Variants in HMG20A observed in about 807,000 individuals in gnomAD.
HMG20A encodes the protein high mobility group protein 20A.
HMG20A carries 17 observed loss-of-function variants against 43.9 expected under a neutral mutation model. The ratio of observed to expected loss-of-function variants is 0.39; its 90% CI spans 0.27 to 0.58. HMG20A has a LOEUF of 0.58. Among genes scored for constraint, HMG20A ranks in the 20% least tolerant of loss-of-function variants. The pLI is 0.59. For missense variants in HMG20A, 341 were observed against 438.2 expected, an observed-to-expected ratio of 0.78 and a Z score of 1.98; for synonymous variants, 132 against 147.5, an observed-to-expected ratio of 0.89 and a Z score of 0.76.
At chr15:77,423,555 A>C in intron 1 of HMG20A, among the ~76,000 whole-genome samples, 1 of 152,262 alleles carries the variant, frequency 6.6e-6, no homozygotes, top group East Asian at 1.9e-4. Context: ...TCTTTTTTTC[A>C]AATACTTGGA....
At chr15:77,422,909 T>G (rs1480989890) in intron 1 of HMG20A, among the ~76,000 whole-genome samples, 1 of 152,168 alleles carries the variant, frequency 6.6e-6, no homozygotes, top group Non-Finnish European at 1.5e-5. Flanking sequence ...GTTCACTATC[T>G]TCTATATTAA....
the HMG20A span, among the ~76,000 whole-genome samples, chr15:77,501,825 G>T: frequency 6.6e-6 from 1 of 152,214 alleles, no homozygotes; most frequent in Non-Finnish European, 1.5e-5. Flanking sequence ...AGGAGGGAAG[G>T]TGCCTTAGAA....
At chr15:77,427,098 A>T (rs2073435188) in intron 1 of HMG20A, among the ~76,000 whole-genome samples, 1 of 152,100 alleles carries the variant, frequency 6.6e-6, no homozygotes, top group Non-Finnish European at 1.5e-5. Context: ...GAGTATTCTA[A>T]GGTAAGGAGT....
chr15:77,459,970 C>T (rs925326037), intron 2 of HMG20A, among the ~76,000 whole-genome samples: 2 of 152,166 alleles, frequency 1.3e-5, no homozygotes, highest in African/African-American at 4.8e-5. Context: ...TTAACTTTTA[C>T]TCTGAAGTGG....
chr15:77,496,565 C>T, the HMG20A span, among the ~76,000 whole-genome samples: 3 of 152,222 alleles, frequency 2.0e-5, no homozygotes, highest in African/African-American at 7.2e-5. Context: ...TAATGTGGGA[C>T]ATTTGCTTTC....
At chr15:77,470,148 T>G (rs1254913597) in intron 4 of HMG20A, among the ~76,000 whole-genome samples, 1 of 152,216 alleles carries the variant, frequency 6.6e-6, no homozygotes, top group Non-Finnish European at 1.5e-5. Context: ...ATCTGGCTCT[T>G]ACGCGGGACA....
rs370100133 is a variant in HMG20A at position 77,455,954 on chromosome 15, A to G, written c.-4-2450A>G. 2.5e-4 allele frequency among the ~76,000 whole-genome samples: 38 copies of G among 152,062 alleles called. No individual in the cohort carries two copies. In the East Asian group the frequency reaches 3.1e-3, roughly 12 times the overall value. On this transcript the variant is annotated intron_variant, in intron 1 of 9. Coordinates refer to ENST00000336216, the MANE Select transcript of HMG20A (RefSeq NM_001304504.2). Reference sequence around the variant, plus strand: ...TTTGGGTTTCACTGCACTTTTCTTCATTTCCTTCTTTTGTTGATCTTGGCC... The same window carrying G: ...TTTGGGTTTCACTGCACTTTTCTTCGTTTCCTTCTTTTGTTGATCTTGGCC...
At chr15:77,471,699 T>C in intron 5 of HMG20A, 84 bp from the exon 6 acceptor site, 1 of 833,852 alleles carries the variant, frequency 1.2e-6, no homozygotes, top group Non-Finnish European at 2.0e-6. Context: ...AAGCAGGTTT[T>C]ATAGTTTGGC....
intron 1 of HMG20A, among the ~76,000 whole-genome samples, chr15:77,454,976 A>G (rs140617654): frequency 3.3e-5 from 5 of 152,168 alleles, no homozygotes; most frequent in African/African-American, 9.6e-5. Context: ...CCACCTCTCA[A>G]TTATGAGGTG....
intron 1 of HMG20A, among the ~76,000 whole-genome samples, chr15:77,451,749 A>G (rs770225044): frequency 2.6e-5 from 4 of 152,182 alleles, no homozygotes; most frequent in African/African-American, 4.8e-5. Flanking sequence ...AAAAAAACAG[A>G]GCAGGGAAGG....
intron 2 of HMG20A, among the ~76,000 whole-genome samples, chr15:77,460,890 G>A (rs1435662347): frequency 6.6e-6 from 1 of 152,146 alleles, no homozygotes; most frequent in Non-Finnish European, 1.5e-5. Flanking sequence ...GGAGGTTGAG[G>A]CAGGAAAATT....
At chr15:77,509,766 G>A in the HMG20A span, among the ~76,000 whole-genome samples, 1 of 151,804 alleles carries the variant, frequency 6.6e-6, no homozygotes, top group South Asian at 2.1e-4. Flanking sequence ...AATTAGCCAG[G>A]CATGGTGGTG....
At chr15:77,492,851 A>G in the HMG20A span, among the ~76,000 whole-genome samples, 1 of 152,112 alleles carries the variant, frequency 6.6e-6, no homozygotes, top group Non-Finnish European at 1.5e-5. Flanking sequence ...GAAGAAGAGC[A>G]TGCAGTGGGG....
chr15:77,458,334 CT>C, intron 1 of HMG20A, 69 bp from the exon 2 acceptor site: 1 of 995,426 alleles, frequency 1.0e-6, no homozygotes. Context: ...AAGGCTGGCT[CT>C]TAAATTAGTG....
intron 1 of HMG20A, among the ~76,000 whole-genome samples, chr15:77,441,634 C>T (rs962634014): frequency 6.6e-6 from 1 of 152,136 alleles, no homozygotes; most frequent in Non-Finnish European, 1.5e-5. Context: ...CCTACTGCCT[C>T]AGGTTGTCTC....
At chr15:77,455,823 T>C (rs766491229) in intron 1 of HMG20A, among the ~76,000 whole-genome samples, 1 of 152,188 alleles carries the variant, frequency 6.6e-6, no homozygotes, top group Non-Finnish European at 1.5e-5. Flanking sequence ...CGTGATTCCT[T>C]TTGAATCACT....
At chr15:77,421,735 C>T (rs2073351371) in intron 1 of HMG20A, among the ~76,000 whole-genome samples, 1 of 152,202 alleles carries the variant, frequency 6.6e-6, no homozygotes, top group Non-Finnish European at 1.5e-5. Context: ...ATAAAATTGA[C>T]ATCTTAAATT....
At chr15:77,492,066 C>T in the HMG20A span, among the ~76,000 whole-genome samples, 2 of 152,182 alleles carry the variant, frequency 1.3e-5, no homozygotes, top group Non-Finnish European at 2.9e-5. Flanking sequence ...AGTCTATGGA[C>T]CCTTCTAGGA....
chr15:77,498,777 G>T, the HMG20A span, among the ~76,000 whole-genome samples: 1 of 152,158 alleles, frequency 6.6e-6, no homozygotes, highest in Non-Finnish European at 1.5e-5. Flanking sequence ...CAAAGACACC[G>T]TCCTATTATT....
Sources: allele counts gnomAD v4.1 joint callset (sites outside exome capture counted in the v4.1 genomes callset), GRCh38; gene constraint gnomAD v4.1.1; transcripts MANE v1.5; gene names NCBI Gene and HGNC (gene_info 2026-07-23, HGNC 2026-07-21).